CCSER1: variants seen among roughly 807,000 people sequenced by gnomAD.
The protein encoded by CCSER1 is serine-rich coiled-coil domain-containing protein 1.
Under a neutral mutation model 82.0 loss-of-function variants are expected in CCSER1, and 41 were observed. That is an observed-to-expected ratio of 0.50 (90% CI 0.39 to 0.65). The LOEUF (loss-of-function observed/expected upper bound fraction) is 0.65, where lower values mean the gene tolerates loss of function less well. CCSER1 is among the 30% of genes least tolerant of loss of function. The pLI is 0.00. For synonymous variants in CCSER1, 414 were observed against 383.9 expected (o/e 1.08, Z -0.92); for missense variants, 1,119 against 1,064.2 (o/e 1.05, Z -0.72).
intron 9 of CCSER1, among the ~76,000 whole-genome samples, chr4:91,082,586 T>C (rs543160904): frequency 1.3e-4 from 20 of 152,246 alleles, no homozygotes; most frequent in African/African-American, 4.8e-4. Flanking sequence ...AAAGAGCTTC[T>C]GCACAGCAAA....
rs117371792 is a variant in CCSER1, at chr4:90,265,728, G to A, written c.-41-42516G>A. Among the ~76,000 whole-genome samples the A allele has an allele frequency of 5.5e-4, 84 of 152,160 alleles. 1 individual carries two copies. In the East Asian group the frequency reaches 0.016, roughly 29 times the overall value. On this transcript the variant is annotated intron_variant, in intron 1 of 10. Transcript: ENST00000509176. ...TTACACTATGAAATATTAATTGCAT[G>A]ATCTTAAGGATAAGAACCTCTTTTA...
chr4:90,475,050 G>GCACA (rs138924421), intron 5 of CCSER1, among the ~76,000 whole-genome samples: 1,904 of 150,758 alleles, frequency 0.013, 28 homozygotes, highest in African/African-American at 0.043. Context: ...AGTGTAACAT[G>GCACA]CACACACACA....
chr4:90,639,551 A>G (rs1303312746), intron 6 of CCSER1, among the ~76,000 whole-genome samples: 1 of 152,038 alleles, frequency 6.6e-6, no homozygotes, highest in Non-Finnish European at 1.5e-5. Context: ...AGAAATTGAG[A>G]TAGAAGGGAA....
intron 5 of CCSER1, among the ~76,000 whole-genome samples, chr4:90,473,118 A>G (rs950989950): frequency 5.3e-5 from 8 of 152,208 alleles, no homozygotes; most frequent in African/African-American, 7.2e-5. Context: ...AGTCAGTTCT[A>G]TGTAAATGAG....
chr4:90,605,741 T>A (rs1784618579), intron 5 of CCSER1, among the ~76,000 whole-genome samples: 1 of 152,166 alleles, frequency 6.6e-6, no homozygotes, highest in Non-Finnish European at 1.5e-5. Flanking sequence ...ATGTAAATGA[T>A]TTTTTATAAT....
intron 5 of CCSER1, among the ~76,000 whole-genome samples, chr4:90,532,219 G>A (rs966892823): frequency 6.6e-6 from 1 of 152,090 alleles, no homozygotes; most frequent in Admixed American, 6.6e-5. Flanking sequence ...TTGAGAGAGT[G>A]CACACTTTCC....
chr4:90,206,596 G>A (rs1025576433), intron 1 of CCSER1, among the ~76,000 whole-genome samples: 8 of 152,018 alleles, frequency 5.3e-5, no homozygotes, highest in African/African-American at 1.5e-4. Context: ...CATTTGCTGA[G>A]GAGTGTTTTA....
intron 6 of CCSER1, among the ~76,000 whole-genome samples, chr4:90,666,525 T>C (rs1053226453): frequency 1.3e-5 from 2 of 152,132 alleles, no homozygotes; most frequent in African/African-American, 4.8e-5. Flanking sequence ...TACCTAAAGG[T>C]TGGCAATTAG....
intron 10 of CCSER1, among the ~76,000 whole-genome samples, chr4:91,309,723 C>A (rs568490814): frequency 5.3e-5 from 8 of 152,080 alleles, no homozygotes; most frequent in African/African-American, 1.9e-4. Context: ...CTGTCTTTTT[C>A]ATTCTTTTCA....
At chr4:90,682,748 T>C (rs1261477604) in intron 6 of CCSER1, among the ~76,000 whole-genome samples, 1 of 152,034 alleles carries the variant, frequency 6.6e-6, no homozygotes, top group African/African-American at 2.4e-5. Context: ...TGAACATATA[T>C]AATAGTTTGT....
chr4:91,442,815 C>T (rs1347284589), intron 10 of CCSER1, among the ~76,000 whole-genome samples: 1 of 151,230 alleles, frequency 6.6e-6, no homozygotes, highest in Non-Finnish European at 1.5e-5. Context: ...GGGCAAAGGA[C>T]ATGAACAGAC....
chr4:91,045,107 A>G (rs914826901), intron 9 of CCSER1, among the ~76,000 whole-genome samples: 2 of 152,178 alleles, frequency 1.3e-5, no homozygotes. Context: ...ATAGCTAGAA[A>G]ATAACCAGCT....
At position 91,503,388 on chromosome 4, in the gene CCSER1, C is replaced by A. The variant is rs567015909; in HGVS notation, c.2218-95184C>A. Among the ~76,000 whole-genome samples, 27 of 150,594 alleles carry A rather than the reference C, an allele frequency of 1.8e-4. No homozygotes were observed. In the East Asian group the frequency reaches 3.7e-3, roughly 21 times the overall value. ...AGAAAGATTTCCATATTTTCAATGGCTATATGTGCTGTAGAAAGGGAAATT... is the reference window on the plus strand; with the variant it reads ...AGAAAGATTTCCATATTTTCAATGGATATATGTGCTGTAGAAAGGGAAATT... On this transcript the variant is annotated intron_variant, in intron 10 of 10. Transcript: ENST00000509176.
chr4:90,999,838 A>AT (rs767975616), intron 9 of CCSER1, among the ~76,000 whole-genome samples: 1 of 138,758 alleles, frequency 7.2e-6, no homozygotes, highest in African/African-American at 2.7e-5. Flanking sequence ...CTAATCATAA[A>AT]TTTTTTTCTC....
chr4:90,595,116 A>T (rs2148714209), intron 5 of CCSER1, among the ~76,000 whole-genome samples: 1 of 152,130 alleles, frequency 6.6e-6, no homozygotes, highest in South Asian at 2.1e-4. Context: ...ACTACTATAA[A>T]TTCTTAAACT....
At chr4:91,214,217 A>G (rs1285319572) in intron 10 of CCSER1, among the ~76,000 whole-genome samples, 4 of 152,202 alleles carry the variant, frequency 2.6e-5, no homozygotes, top group Non-Finnish European at 5.9e-5. Flanking sequence ...TAACCAATGT[A>G]TGAAACAATA....
chr4:91,544,348 T>G (rs1761770822), intron 10 of CCSER1, among the ~76,000 whole-genome samples: 1 of 152,232 alleles, frequency 6.6e-6, no homozygotes, highest in South Asian at 2.1e-4. Context: ...GTTCTGTTGC[T>G]GGCAAGGAAC....
intron 7 of CCSER1, among the ~76,000 whole-genome samples, chr4:90,799,191 C>T (rs1756447863): frequency 6.6e-6 from 1 of 152,092 alleles, no homozygotes; most frequent in African/African-American, 2.4e-5. Context: ...GGTGTCTTCT[C>T]TGTGTCCCGG....
intron 9 of CCSER1, among the ~76,000 whole-genome samples, chr4:90,976,085 G>A (rs781509163): frequency 2.0e-5 from 3 of 151,128 alleles, no homozygotes; most frequent in South Asian, 4.1e-4. Context: ...GGTTCAGTTT[G>A]CTCTAATTTT....
Sources: allele counts gnomAD v4.1 joint callset (sites outside exome capture counted in the v4.1 genomes callset), GRCh38; gene constraint gnomAD v4.1.1; transcripts MANE v1.5; gene names NCBI Gene and HGNC (gene_info 2026-07-23, HGNC 2026-07-21).